The following PCSK5 variants were observed in gnomAD, a reference collection of about 807,000 sequenced individuals.
PCSK5 encodes prohormone convertase 5.
PCSK5 carries 129 observed loss-of-function variants against 233.2 expected under a neutral mutation model. The ratio of observed to expected loss-of-function variants is 0.55; its 90% CI spans 0.48 to 0.64. The LOEUF is 0.64. PCSK5 is among the 30% of genes least tolerant of loss of function. PCSK5 has a pLI of 0.00. For synonymous variants in PCSK5, 825 were observed against 879.2 expected (o/e 0.94, Z 1.09); for missense variants, 2,076 against 2,430.1 (o/e 0.85, Z 3.06).
chr9:76,339,584 G>A (rs1038378920), intron 35 of PCSK5, among the ~76,000 whole-genome samples: 2 of 151,976 alleles, frequency 1.3e-5, no homozygotes, highest in South Asian at 2.1e-4. Flanking sequence ...TCACTCTGTC[G>A]CCCAGGCTGG....
At chr9:75,990,728 A>ACGTG (rs1370020905) in intron 3 of PCSK5, among the ~76,000 whole-genome samples, 2 of 152,226 alleles carry the variant, frequency 1.3e-5, no homozygotes, top group Non-Finnish European at 1.5e-5. Context: ...CTCTGGGATC[A>ACGTG]CGTGCATATA....
chr9:76,099,678 A>G (rs1375624486), intron 8 of PCSK5, among the ~76,000 whole-genome samples: 1 of 152,164 alleles, frequency 6.6e-6, no homozygotes, highest in African/African-American at 2.4e-5. Flanking sequence ...AATGACAAAT[A>G]ATCCTGTGTT....
rs59860078 is a variant in PCSK5 at position 76,007,796 on chromosome 9, T to TTGTGTGTGTGTGTGTGTG, written c.412-15914_412-15897dup. ...CGCCTGTCACCATGCCCGGCTAATT[T>TTGTGTGTGTGTGTGTGTG]TGTGTGTGTGTGTGTGTGTGTGTGT... On this transcript the variant is annotated intron_variant, in intron 3 of 37. Coordinates refer to ENST00000674117, the MANE Select transcript of PCSK5 (RefSeq NM_001372043.1). 7.5e-4 allele frequency among the ~76,000 whole-genome samples: 96 copies of TTGTGTGTGTGTGTGTGTG among 128,304 alleles called. 1 individual carries two copies. Among genetic ancestry groups the TTGTGTGTGTGTGTGTGTG allele is most frequent in the Non-Finnish European group, 1.2e-3 (76 of 61,762 alleles). 84.2% of individuals were successfully genotyped at this position (128,304 alleles called of 152,430 possible).
At chr9:76,089,408 G>C (rs1329776092) in intron 7 of PCSK5, among the ~76,000 whole-genome samples, 3 of 152,286 alleles carry the variant, frequency 2.0e-5, no homozygotes, top group African/African-American at 7.2e-5. Flanking sequence ...CAGATGCAGG[G>C]TCTCGACCTC....
intron 20 of PCSK5, chr9:76,195,630 G>GT (rs1233148431): frequency 6.6e-6 from 1 of 152,086 alleles, no homozygotes; most frequent in African/African-American, 2.4e-5. Context: ...GTAATGGATA[G>GT]TACAAAGTTT....
At chr9:76,102,550 A>G (rs1831806898) in intron 8 of PCSK5, among the ~76,000 whole-genome samples, 2 of 152,184 alleles carry the variant, frequency 1.3e-5, no homozygotes, top group Admixed American at 1.3e-4. Flanking sequence ...GAGCATTTCA[A>G]GTTTTCAGAT....
At chr9:76,138,583 A>G (rs1379927910) in intron 10 of PCSK5, among the ~76,000 whole-genome samples, 1 of 152,116 alleles carries the variant, frequency 6.6e-6, no homozygotes, top group Admixed American at 6.6e-5. Flanking sequence ...TGGGCTGTGC[A>G]GGCTGATTCT....
chr9:76,036,790 T>C (rs1319774092), intron 5 of PCSK5, among the ~76,000 whole-genome samples: 1 of 152,250 alleles, frequency 6.6e-6, no homozygotes, highest in African/African-American at 2.4e-5. Flanking sequence ...TCTGATTACC[T>C]GCATAACTAA....
chr9:76,144,143 C>T (rs1823340445), intron 10 of PCSK5, among the ~76,000 whole-genome samples: 3 of 152,118 alleles, frequency 2.0e-5, no homozygotes, highest in South Asian at 2.1e-4. Flanking sequence ...TATTCTTTTT[C>T]TCGGCCCTGA....
At chr9:76,102,128 C>T (rs752377724) in intron 8 of PCSK5, among the ~76,000 whole-genome samples, 3 of 152,180 alleles carry the variant, frequency 2.0e-5, no homozygotes, top group African/African-American at 7.2e-5. Context: ...GGCTGGGTCA[C>T]GAGGCTAGTT....
intron 3 of PCSK5, among the ~76,000 whole-genome samples, chr9:76,014,008 A>C (rs1480698292): frequency 2.0e-5 from 3 of 151,338 alleles, no homozygotes; most frequent in Non-Finnish European, 4.4e-5. Flanking sequence ...GGTTGTGCTT[A>C]TCCAAGCCAC....
chr9:75,928,596 C>CATACATATATATAT (rs1554707480), intron 1 of PCSK5, among the ~76,000 whole-genome samples: 1 of 68,398 alleles, frequency 1.5e-5, no homozygotes, highest in Non-Finnish European at 2.9e-5. Flanking sequence ...CATATAAATA[C>CATACATATATATAT]ATATATATAT....
intron 15 of PCSK5, among the ~76,000 whole-genome samples, chr9:76,180,778 C>A (rs1177708808): frequency 6.6e-6 from 1 of 152,152 alleles, no homozygotes; most frequent in African/African-American, 2.4e-5. Flanking sequence ...TGGCTATCTC[C>A]CAGCCTCTGT....
chr9:76,162,355 TCA>T (rs1198371353), intron 12 of PCSK5, among the ~76,000 whole-genome samples: 4 of 152,150 alleles, frequency 2.6e-5, no homozygotes, highest in Non-Finnish European at 4.4e-5. Flanking sequence ...TCAAAACCTC[TCA>T]GTCTCTGACC....
At chr9:75,979,485 C>T (rs1156604139) in intron 2 of PCSK5, among the ~76,000 whole-genome samples, 1 of 152,148 alleles carries the variant, frequency 6.6e-6, no homozygotes, top group Non-Finnish European at 1.5e-5. Flanking sequence ...TAATCAGGAG[C>T]CCACAGTTAG....
chr9:76,033,705 G>A (rs1828740642), intron 5 of PCSK5, among the ~76,000 whole-genome samples: 1 of 152,128 alleles, frequency 6.6e-6, no homozygotes. Context: ...TGGAACCTGG[G>A]ATCGAGGCAC....
chr9:76,113,015 A>G (rs1160238578), intron 9 of PCSK5, among the ~76,000 whole-genome samples: 2 of 152,162 alleles, frequency 1.3e-5, no homozygotes, highest in African/African-American at 4.8e-5. Flanking sequence ...CTTTTGTACA[A>G]TGGAACTGAG....
Position 76,174,861 on chromosome 9 carries a change from G to A in PCSK5, c.1757-125G>A, listed in dbSNP as rs141734396. The A allele has an allele frequency of 1.2e-4, 94 of 761,818 alleles. 1 individual carries two copies. The highest frequency in any genetic ancestry group is 9.7e-4 in the Middle Eastern group (4 of 4,132). The allele number at this position is 761,818 out of a possible 1,614,324, so 47.2% of individuals were successfully genotyped here. A position where few individuals can be genotyped will look rare whatever the true frequency, so the allele number is the denominator to read the frequency against. On this transcript the variant is annotated intron_variant, in intron 13 of 37. Transcript: ENST00000674117. ...CATTTCTAGCTCTGCGTTTGATGTA[G>A]TGATTGATATCCATCTGCCTCCCAC...
At chr9:76,264,525 A>G (rs2131364678) in intron 24 of PCSK5, among the ~76,000 whole-genome samples, 1 of 152,322 alleles carries the variant, frequency 6.6e-6, no homozygotes, top group South Asian at 2.1e-4. Flanking sequence ...CAAACATCTG[A>G]CAAAGGTTTA....
Sources: gnomAD v4.1 joint callset for allele counts (sites outside exome capture counted in the v4.1 genomes callset) on GRCh38, gnomAD v4.1.1 for gene constraint, MANE v1.5 for transcripts, NCBI Gene and HGNC (gene_info 2026-07-23, HGNC 2026-07-21) for gene names.